ZBBX: variants seen among roughly 807,000 people sequenced by gnomAD.
ZBBX encodes zinc finger B-box domain containing, also known as zinc finger B-box domain-containing protein 1.
ZBBX carries 101 observed loss-of-function variants against 108.5 expected under a neutral mutation model. That is an observed-to-expected ratio of 0.93 (90% CI 0.79 to 1.10). The LOEUF (loss-of-function observed/expected upper bound fraction) is 1.10. Among genes scored for constraint, ZBBX ranks in the 50% least tolerant of loss-of-function variants. The probability of loss-of-function intolerance (pLI) is 0.00; values close to 1 mark genes in which losing one functional copy is unlikely to be tolerated. For missense variants in ZBBX, 1,009 were observed against 941.4 expected, an observed-to-expected ratio of 1.07 and a Z score of -0.94; for synonymous variants, 356 against 323.4, an observed-to-expected ratio of 1.10 and a Z score of -1.08.
At chr3:167,202,840 C>G in the ZBBX span, among the ~76,000 whole-genome samples, 1 of 152,068 alleles carries the variant, frequency 6.6e-6, no homozygotes, top group Admixed American at 6.6e-5. Context: ...CAATAGCTTC[C>G]TATTCAGACC....
intron 1 of ZBBX, among the ~76,000 whole-genome samples, chr3:167,397,224 A>G (rs183050313): frequency 2.8e-5 from 4 of 144,670 alleles, no homozygotes; most frequent in African/African-American, 1.0e-4. Flanking sequence ...CGCTGACTGC[A>G]TTTTCTTTGC....
chr3:167,393,662 T>C (rs1748145033), intron 1 of ZBBX, among the ~76,000 whole-genome samples: 1 of 151,934 alleles, frequency 6.6e-6, no homozygotes, highest in Admixed American at 6.6e-5. Flanking sequence ...ATGTAGTTGT[T>C]TGCGTTTCAC....
Position 167,386,359 on chromosome 3 carries a change from C to T in ZBBX, c.-445-5954G>A, listed in dbSNP as rs73879693. On this transcript the variant is annotated intron_variant, in intron 1 of 21. Transcript: ENST00000455345. ...TTTTGGTTGTGCAGAACAGAGAACCCTGACTTAAATGACTACCAGAAGAAT... is the reference window on the plus strand; with the variant it reads ...TTTTGGTTGTGCAGAACAGAGAACCTTGACTTAAATGACTACCAGAAGAAT... 5.8e-3 allele frequency among the ~76,000 whole-genome samples: 876 copies of T among 152,026 alleles called. 11 individuals carry two copies. The highest frequency in any genetic ancestry group is 0.02 in the African/African-American group (832 of 41,510).
intron 18 of ZBBX, among the ~76,000 whole-genome samples, chr3:167,290,866 A>T (rs1730562298): frequency 6.6e-6 from 1 of 152,144 alleles, no homozygotes; most frequent in Non-Finnish European, 1.5e-5. Flanking sequence ...AACATAAATG[A>T]CCTGCTGGAG....
chr3:167,240,625 T>A lies in ZBBX; in HGVS notation c.*168A>T. On this transcript the variant is annotated 3_prime_UTR_variant, in exon 22 of 22. Coordinates refer to ENST00000675490, the MANE Select transcript of ZBBX (RefSeq NM_001199201.2). ...GACATATAATATATCATTGGAAGAA[T>A]AAGCCCTTGAACTTATAATTTTACT... The A allele has an allele frequency of 1.6e-6, 1 of 634,526 alleles. No individual in the cohort carries two copies. The allele number at this position is 634,526 out of a possible 1,614,324, so 39.3% of individuals were successfully genotyped here.
At chr3:167,393,289 T>C (rs944222984) in intron 1 of ZBBX, among the ~76,000 whole-genome samples, 2 of 151,904 alleles carry the variant, frequency 1.3e-5, no homozygotes, top group African/African-American at 4.8e-5. Flanking sequence ...TTAACTTCTA[T>C]GTTATTTAAG....
intron 17 of ZBBX, among the ~76,000 whole-genome samples, chr3:167,303,720 T>C (rs1357576310): frequency 2.0e-5 from 3 of 152,202 alleles, no homozygotes; most frequent in Admixed American, 6.5e-5. Context: ...GTTACACTGT[T>C]GAGGCTATCT....
the ZBBX span, among the ~76,000 whole-genome samples, chr3:167,234,103 TA>T: frequency 6.6e-6 from 1 of 151,858 alleles, no homozygotes; most frequent in Non-Finnish European, 1.5e-5. Context: ...TCTCTCATTT[TA>T]CACACGGAGT....
At chr3:167,398,248 T>C (rs1371361319) in intron 1 of ZBBX, among the ~76,000 whole-genome samples, 1 of 152,132 alleles carries the variant, frequency 6.6e-6, no homozygotes, top group African/African-American at 2.4e-5. Flanking sequence ...TACCCATTTT[T>C]AAGAATATTT....
At chr3:167,194,460 C>G in the ZBBX span, among the ~76,000 whole-genome samples, 1 of 151,964 alleles carries the variant, frequency 6.6e-6, no homozygotes, top group Non-Finnish European at 1.5e-5. Flanking sequence ...ATTTCAAGTC[C>G]AAGGTTAACT....
At chr3:167,312,528 T>C (rs779510643) in intron 16 of ZBBX, among the ~76,000 whole-genome samples, 1 of 152,182 alleles carries the variant, frequency 6.6e-6, no homozygotes, top group Non-Finnish European at 1.5e-5. Context: ...GCTATGTATG[T>C]GTATAGAGCA....
At chr3:167,349,858 T>C (rs1267687064) in intron 9 of ZBBX, among the ~76,000 whole-genome samples, 2 of 152,172 alleles carry the variant, frequency 1.3e-5, no homozygotes, top group East Asian at 3.9e-4. Flanking sequence ...CTAATTCTAT[T>C]TATAGTTTAA....
At position 167,350,541 on chromosome 3, in the gene ZBBX, A is replaced by T. The variant is rs575617449; in HGVS notation, c.433-26T>A. Reference sequence around the variant, plus strand: ...CTAAAAAGATATTTTTTAAAAAATTATACAATCTTATAAAATAGTATGATT... The same window carrying T: ...CTAAAAAGATATTTTTTAAAAAATTTTACAATCTTATAAAATAGTATGATT... On this transcript the variant is annotated intron_variant, in intron 8 of 21. Coordinates refer to ENST00000675490, the MANE Select transcript of ZBBX (RefSeq NM_001199201.2). 106 of 1,468,726 alleles carry T rather than the reference A, an allele frequency of 7.2e-5. No individual in the cohort carries two copies. In the South Asian group the frequency reaches 1.4e-3, roughly 19 times the overall value. The allele number at this position is 1,468,726 out of a possible 1,614,324, so 91.0% of individuals were successfully genotyped here. A position where few individuals can be genotyped will look rare whatever the true frequency, so the allele number is the denominator to read the frequency against.
At chr3:167,300,888 T>A (rs993141425) in intron 17 of ZBBX, among the ~76,000 whole-genome samples, 14 of 151,290 alleles carry the variant, frequency 9.3e-5, no homozygotes, top group Non-Finnish European at 1.3e-4. Context: ...AGTGCTGGGA[T>A]TACAGGCGTG....
intron 15 of ZBBX, among the ~76,000 whole-genome samples, chr3:167,315,140 A>T (rs1735224936): frequency 6.6e-6 from 1 of 152,192 alleles, no homozygotes; most frequent in African/African-American, 2.4e-5. Flanking sequence ...ATTCCACTCC[A>T]CTGTTTACAA....
At chr3:167,340,160 C>T (rs375811542) in intron 9 of ZBBX, among the ~76,000 whole-genome samples, 23 of 152,202 alleles carry the variant, frequency 1.5e-4, no homozygotes, top group African/African-American at 4.8e-4. Context: ...ATACATTGCA[C>T]TATGAGTATG....
chr3:167,294,250 C>A (rs1162461775), intron 18 of ZBBX, among the ~76,000 whole-genome samples: 1 of 152,060 alleles, frequency 6.6e-6, no homozygotes, highest in Non-Finnish European at 1.5e-5. Context: ...CAACCCTAAG[C>A]AAAAAGAACA....
intron 19 of ZBBX, among the ~76,000 whole-genome samples, chr3:167,283,556 T>C (rs1422079106): frequency 6.6e-6 from 1 of 152,196 alleles, no homozygotes; most frequent in Non-Finnish European, 1.5e-5. Flanking sequence ...CTCACTCTAG[T>C]GACTCAACAA....
chr3:167,295,361 TA>T (rs1731456929), intron 18 of ZBBX, among the ~76,000 whole-genome samples: 1 of 151,838 alleles, frequency 6.6e-6, no homozygotes, highest in South Asian at 2.1e-4. Flanking sequence ...TATATAGCCA[TA>T]AAAAAGGATG....
Sources: gnomAD v4.1 joint callset for allele counts (sites outside exome capture counted in the v4.1 genomes callset) on GRCh38, gnomAD v4.1.1 for gene constraint, MANE v1.5 for transcripts, NCBI Gene and HGNC (gene_info 2026-07-23, HGNC 2026-07-21) for gene names.